SNTG1: variants seen among roughly 807,000 people sequenced by gnomAD.
SNTG1 encodes the protein gamma-1-syntrophin.
SNTG1 carries 39 observed loss-of-function variants against 74.7 expected under a neutral mutation model. The observed-to-expected ratio is 0.52, with a 90% CI of 0.40 to 0.68. The LOEUF (loss-of-function observed/expected upper bound fraction) is 0.68, where lower values mean the gene tolerates loss of function less well. Among genes scored for constraint, SNTG1 ranks in the 30% least tolerant of loss-of-function variants. The pLI is 0.00. For synonymous variants in SNTG1, 254 were observed against 217.1 expected, an observed-to-expected ratio of 1.17 and a Z score of -1.49; for missense variants, 685 against 609.5, an observed-to-expected ratio of 1.12 and a Z score of -1.30.
At chr8:50,566,831 T>C (rs2094518934) in intron 12 of SNTG1, among the ~76,000 whole-genome samples, 1 of 152,082 alleles carries the variant, frequency 6.6e-6, no homozygotes, top group Admixed American at 6.6e-5. Flanking sequence ...TAGTTATGTG[T>C]ACTTGACTTC....
chr8:50,506,812 C>T (rs914504234), intron 9 of SNTG1, among the ~76,000 whole-genome samples: 1 of 151,908 alleles, frequency 6.6e-6, no homozygotes, highest in East Asian at 1.9e-4. Context: ...CTTAGTCTTG[C>T]CTAATTGCTT....
chr8:50,702,360 C>A (rs17711800), intron 15 of SNTG1, among the ~76,000 whole-genome samples: 2,122 of 152,220 alleles, frequency 0.014, 16 homozygotes, highest in Non-Finnish European at 0.021. Flanking sequence ...ATAAGCACAG[C>A]ATTTATCATC....
At chr8:50,628,799 T>C (rs1455867452) in intron 13 of SNTG1, among the ~76,000 whole-genome samples, 2 of 152,196 alleles carry the variant, frequency 1.3e-5, no homozygotes, top group East Asian at 1.9e-4. Context: ...AAACTTAGAA[T>C]GACATGAACA....
At chr8:50,070,387 G>A (rs796679940) in intron 1 of SNTG1, among the ~76,000 whole-genome samples, 6 of 152,058 alleles carry the variant, frequency 3.9e-5, no homozygotes, top group African/African-American at 2.4e-5. Context: ...TAGTGAAAAC[G>A]TATCATCCAC....
At chr8:50,081,400 T>C (rs1822394299) in intron 1 of SNTG1, among the ~76,000 whole-genome samples, 1 of 151,654 alleles carries the variant, frequency 6.6e-6, no homozygotes, top group Non-Finnish European at 1.5e-5. Flanking sequence ...TGTTATCTCT[T>C]TGTCTTTATT....
chr8:50,346,901 T>C (rs1017605165), intron 2 of SNTG1, among the ~76,000 whole-genome samples: 1 of 152,096 alleles, frequency 6.6e-6, no homozygotes, highest in Non-Finnish European at 1.5e-5. Context: ...GAAGAGAAGG[T>C]TGAAGTGAGC....
Position 50,305,951 on chromosome 8 carries a change from C to T in SNTG1, c.-27-88261C>T, listed in dbSNP as rs112341035. ...TAGCTTTGGGGGTACAAAGGGTTTT[C>T]GGTTACATGGATAAATTTTGTAATG... On this transcript the variant is annotated intron_variant, in intron 2 of 18. Coordinates refer to ENST00000642720, the MANE Select transcript of SNTG1 (RefSeq NM_018967.5). 1.3e-3 allele frequency among the ~76,000 whole-genome samples: 192 copies of T among 150,338 alleles called. 1 individual carries two copies. Among genetic ancestry groups the T allele is most frequent in the African/African-American group, 4.0e-3 (166 of 41,156 alleles).
chr8:50,560,305 T>G (rs937436001), intron 12 of SNTG1, among the ~76,000 whole-genome samples: 4 of 152,112 alleles, frequency 2.6e-5, no homozygotes, highest in Admixed American at 1.3e-4. Context: ...TGGAAGAGAG[T>G]GTGGTGATTC....
intron 1 of SNTG1, among the ~76,000 whole-genome samples, chr8:50,135,511 A>C (rs2131427850): frequency 6.6e-6 from 1 of 152,280 alleles, no homozygotes; most frequent in South Asian, 2.1e-4. Context: ...TGGATATTAA[A>C]GTGATCAGTA....
At chr8:49,985,076 T>C (rs1813033238) in intron 1 of SNTG1, among the ~76,000 whole-genome samples, 1 of 152,194 alleles carries the variant, frequency 6.6e-6, no homozygotes, top group Non-Finnish European at 1.5e-5. Context: ...TAATAATGAA[T>C]TGAGAATGAA....
At chr8:50,092,507 T>C (rs1288522323) in intron 1 of SNTG1, among the ~76,000 whole-genome samples, 1 of 152,096 alleles carries the variant, frequency 6.6e-6, no homozygotes, top group Non-Finnish European at 1.5e-5. Context: ...AAAACTTGGG[T>C]GGGATTTGGC....
chr8:50,036,085 G>A (rs978329830), intron 1 of SNTG1, among the ~76,000 whole-genome samples: 2 of 152,174 alleles, frequency 1.3e-5, no homozygotes, highest in African/African-American at 4.8e-5. Context: ...TAGGATGGTC[G>A]AAATTGGTGT....
chr8:50,498,264 C>T (rs570540377), intron 8 of SNTG1, among the ~76,000 whole-genome samples: 3 of 151,962 alleles, frequency 2.0e-5, no homozygotes, highest in Non-Finnish European at 4.4e-5. Flanking sequence ...AAACCTTACA[C>T]ACACTTAGTA....
At chr8:50,494,500 C>G (rs995497826) in intron 8 of SNTG1, among the ~76,000 whole-genome samples, 3 of 151,898 alleles carry the variant, frequency 2.0e-5, no homozygotes, top group African/African-American at 7.2e-5. Flanking sequence ...TCAGTTTTAT[C>G]ACTCTGTTCC....
intron 9 of SNTG1, among the ~76,000 whole-genome samples, chr8:50,521,250 A>C (rs957257990): frequency 6.6e-6 from 1 of 152,100 alleles, no homozygotes; most frequent in Non-Finnish European, 1.5e-5. Flanking sequence ...GGGGAACATC[A>C]CACACCAAGG....
chr8:50,268,916 C>T (rs2087625909), intron 2 of SNTG1, among the ~76,000 whole-genome samples: 1 of 152,058 alleles, frequency 6.6e-6, no homozygotes, highest in South Asian at 2.1e-4. Flanking sequence ...GCCTCGGCCT[C>T]CTAAAGTGCT....
At chr8:49,915,188 G>A (rs146756600) in intron 1 of SNTG1, among the ~76,000 whole-genome samples, 47 of 152,232 alleles carry the variant, frequency 3.1e-4, no homozygotes, top group African/African-American at 9.6e-4. Flanking sequence ...TTTCAATGAA[G>A]ACACAATAAT....
At chr8:50,088,305 A>G (rs1209467799) in intron 1 of SNTG1, among the ~76,000 whole-genome samples, 1 of 146,552 alleles carries the variant, frequency 6.8e-6, no homozygotes, top group East Asian at 2.1e-4. Context: ...ATCATACTGA[A>G]TGGGCAAAAA....
chr8:50,715,405 A>T (rs1387590212), intron 17 of SNTG1, among the ~76,000 whole-genome samples: 1 of 152,188 alleles, frequency 6.6e-6, no homozygotes, highest in Non-Finnish European at 1.5e-5. Context: ...TGAAATTGAG[A>T]ATGGCTATGA....
Sources: gnomAD v4.1 joint callset for allele counts (sites outside exome capture counted in the v4.1 genomes callset) on GRCh38, gnomAD v4.1.1 for gene constraint, MANE v1.5 for transcripts, NCBI Gene and HGNC (gene_info 2026-07-23, HGNC 2026-07-21) for gene names.